ECM2: variants seen among roughly 807,000 people sequenced by gnomAD.
ECM2 encodes extracellular matrix protein 2, also known as extracellular matrix protein 2, female organ and adipocyte specific.
In ECM2, 57 loss-of-function variants were observed where a neutral mutation model predicts 67.5. The ratio of observed to expected loss-of-function variants is 0.84; its 90% CI spans 0.68 to 1.05. ECM2 has a LOEUF of 1.05. Ranked by LOEUF, ECM2 falls within the 50% of genes least tolerant of loss-of-function variation. ECM2 has a pLI of 0.00. For synonymous variants in ECM2, 258 were observed against 294.5 expected (o/e 0.88, Z 1.27); for missense variants, 741 against 822.8 (o/e 0.90, Z 1.22).
Position 92,532,029 on chromosome 9 carries a change from A to ATTTTTTTTTTTTTTTTTTTT in ECM2, c.-28+3903_-28+3904insAAAAAAAAAAAAAAAAAAAA, listed in dbSNP as rs201461115. 2.5e-4 allele frequency among the ~76,000 whole-genome samples: 23 copies of ATTTTTTTTTTTTTTTTTTTT among 91,034 alleles called. 1 individual carries two copies. Among genetic ancestry groups the ATTTTTTTTTTTTTTTTTTTT allele is most frequent in the African/African-American group, 5.5e-4 (11 of 19,874 alleles). The allele number at this position is 91,034 out of a possible 152,430, so 59.7% of individuals were successfully genotyped here. ...TTTTATTTAATGTTTTTTTTTTTTT[A>ATTTTTTTTTTTTTTTTTTTT]TTTTATTTTTTTTTTGAGATGAGGT... On this transcript the variant is annotated intron_variant, in intron 1 of 9. Coordinates refer to ENST00000344604, the MANE Select transcript of ECM2 (RefSeq NM_001393.4).
At chr9:92,516,506 G>A (rs1385384685) in intron 3 of ECM2, among the ~76,000 whole-genome samples, 1 of 152,176 alleles carries the variant, frequency 6.6e-6, no homozygotes, top group Non-Finnish European at 1.5e-5. Context: ...TATCAATTCA[G>A]TATGTATTAT....
the ECM2 span, among the ~76,000 whole-genome samples, chr9:92,542,136 C>T: frequency 3.9e-5 from 6 of 152,150 alleles, no homozygotes; most frequent in South Asian, 2.1e-4. Context: ...TTAGATCATC[C>T]GGTAGTTCTA....
intron 1 of ECM2, among the ~76,000 whole-genome samples, chr9:92,529,609 G>C (rs1848625428): frequency 6.6e-6 from 1 of 152,038 alleles, no homozygotes; most frequent in Non-Finnish European, 1.5e-5. Context: ...TCAGACAATG[G>C]AATATTATTC....
the ECM2 span, among the ~76,000 whole-genome samples, chr9:92,547,909 T>G: frequency 3.9e-5 from 6 of 152,138 alleles, no homozygotes; most frequent in African/African-American, 1.4e-4. Flanking sequence ...CCCTGGCCAG[T>G]GTGGTAAAGC....
Position 92,514,944 on chromosome 9 carries a change from T to C in ECM2, c.741A>G (p.Gly247=). ...GQLYSEGDSR[G]GDRKQRPGEE... ...CTCCAGGCCTCTGCTTTCTGTCTCC[T>C]CCTCTGCTGTCCCCCTCACTGTAAA... The change falls in exon 4 of 10, where the codon GGA becomes GGG. Residue 247 remains glycine, a synonymous_variant. Coordinates refer to ENST00000344604, the MANE Select transcript of ECM2 (RefSeq NM_001393.4). The C allele has an allele frequency of 6.2e-7, 1 of 1,614,082 alleles. No individual in the cohort carries two copies. Among genetic ancestry groups the C allele is most frequent in the East Asian group, 2.2e-5 (1 of 44,884 alleles).
intron 2 of ECM2, among the ~76,000 whole-genome samples, chr9:92,519,947 ACT>A (rs1405910158): frequency 1.3e-4 from 20 of 150,968 alleles, no homozygotes; most frequent in African/African-American, 3.9e-4. Flanking sequence ...TTCATAAAGA[ACT>A]CTTACAACTC....
At chr9:92,500,184 C>G (rs1846585326) in intron 9 of ECM2, among the ~76,000 whole-genome samples, 1 of 151,988 alleles carries the variant, frequency 6.6e-6, no homozygotes, top group Non-Finnish European at 1.5e-5. Context: ...ATATAATAAT[C>G]TGTTAATCTT....
At chr9:92,532,023 T>TTTG (rs1848814059) in intron 1 of ECM2, among the ~76,000 whole-genome samples, 1 of 128,668 alleles carries the variant, frequency 7.8e-6, no homozygotes, top group Non-Finnish European at 1.6e-5. Flanking sequence ...ATGTTTTTTT[T>TTTG]TTTTTATTTT....
chr9:92,513,156 A>G (rs1380610740), intron 4 of ECM2, among the ~76,000 whole-genome samples: 1 of 152,106 alleles, frequency 6.6e-6, no homozygotes, highest in Non-Finnish European at 1.5e-5. Context: ...CCAGCACCCA[A>G]AGTGTCCCCA....
At chr9:92,499,152 A>G (rs549567684) in intron 9 of ECM2, among the ~76,000 whole-genome samples, 15 of 152,218 alleles carry the variant, frequency 9.9e-5, no homozygotes, top group Non-Finnish European at 2.1e-4. Flanking sequence ...AATGGCGACC[A>G]TTGTCCAGAT....
At chr9:92,546,993 GCAGGT>G in the ECM2 span, among the ~76,000 whole-genome samples, 1 of 152,098 alleles carries the variant, frequency 6.6e-6, no homozygotes, top group African/African-American at 2.4e-5. Context: ...GGAAAATTTT[GCAGGT>G]CAGTCTCACT....
chr9:92,535,455 A>G (rs1295045687), intron 1 of ECM2, among the ~76,000 whole-genome samples: 1 of 152,134 alleles, frequency 6.6e-6, no homozygotes. Flanking sequence ...TCCCAACATT[A>G]AATATTATTT....
At chr9:92,511,977 T>C (rs987050558) in intron 5 of ECM2, 34 bp downstream of exon 5, 1 of 1,497,582 alleles carries the variant, frequency 6.7e-7, no homozygotes, top group African/African-American at 1.4e-5. Context: ...GTGAAGCCAT[T>C]CATCCAAATA....
Position 92,517,829 on chromosome 9 carries a change from T to G in ECM2, c.339A>C (p.Lys113Asn), listed in dbSNP as rs1343185258. Residue 113 changes from lysine (K) to asparagine (N), a missense_variant, in exon 3 of 10, where the codon AAA becomes AAC. Lys to Asn is a moderately conservative substitution (Grantham distance 94). Coordinates refer to ENST00000344604, the MANE Select transcript of ECM2 (RefSeq NM_001393.4). ...TGCAGGGCTCAGGCGACCACACAGCTTTGTTGTACATGGTTATGCCCTTTA... is the reference window on the plus strand; with the variant it reads ...TGCAGGGCTCAGGCGACCACACAGCGTTGTTGTACATGGTTATGCCCTTTA... ...CLVKGITMYN[K>N]AVWSPEPCTT... 1 of 1,614,084 alleles carries G rather than the reference T, an allele frequency of 6.2e-7. No individual in the cohort carries two copies. The highest frequency in any genetic ancestry group is 8.5e-7 in the Non-Finnish European group (1 of 1,180,050).
chr9:92,539,945 G>A (rs1169318985), upstream of ECM2, among the ~76,000 whole-genome samples: 1 of 152,080 alleles, frequency 6.6e-6, no homozygotes, highest in Non-Finnish European at 1.5e-5. Flanking sequence ...TTCCAAAAAG[G>A]TTATAGTAAA....
intron 9 of ECM2, among the ~76,000 whole-genome samples, chr9:92,497,310 TG>T (rs1484815451): frequency 6.7e-6 from 1 of 149,070 alleles, no homozygotes; most frequent in Non-Finnish European, 1.5e-5. Context: ...TGATGGGGAG[TG>T]ATATACTGAT....
chr9:92,517,883 A>G lies in ECM2; in HGVS notation c.293-8T>C. 2.5e-6 allele frequency: 4 copies of G among 1,613,408 alleles called. No homozygotes were observed. Among genetic ancestry groups the G allele is most frequent in the Non-Finnish European group, 3.4e-6 (4 of 1,179,670 alleles). On this transcript the variant is annotated splice_polypyrimidine_tract_variant and splice_region_variant and intron_variant, in intron 2 of 9. Transcript: ENST00000344604. Reference sequence around the variant, plus strand: ...AACAGTGTCCCTTCTTTCCTAGAAGAAAACAAAAGCACAAATTTAAATTTC... The same window carrying G: ...AACAGTGTCCCTTCTTTCCTAGAAGGAAACAAAAGCACAAATTTAAATTTC...
At chr9:92,493,959 T>G, downstream of ECM2, 1 of 794,720 alleles carries the variant, frequency 1.3e-6, no homozygotes, top group Non-Finnish European at 2.0e-6. Context: ...TCCAGGCCGT[T>G]GAGGGTGGCC....
the ECM2 span, among the ~76,000 whole-genome samples, chr9:92,552,049 G>T: frequency 2.4e-5 from 2 of 81,866 alleles, 1 homozygote; most frequent in East Asian, 4.6e-4. Context: ...GATATTATAG[G>T]TCTATCATAT....
Sources: allele counts gnomAD v4.1 joint callset (sites outside exome capture counted in the v4.1 genomes callset), GRCh38; gene constraint gnomAD v4.1.1; transcripts MANE v1.5; gene names NCBI Gene and HGNC (gene_info 2026-07-23, HGNC 2026-07-21).